KIF16B: variants seen among roughly 807,000 people sequenced by gnomAD.
KIF16B encodes the protein kinesin-like protein KIF16B.
In KIF16B, 98 loss-of-function variants were observed where a neutral mutation model predicts 156.3. That is an observed-to-expected ratio of 0.63 (90% CI 0.53 to 0.74). The LOEUF is 0.74. Among genes scored for constraint, KIF16B ranks in the 30% least tolerant of loss-of-function variants. The pLI is 0.00. For synonymous variants in KIF16B, 564 were observed against 583.7 expected, an observed-to-expected ratio of 0.97 and a Z score of 0.49; for missense variants, 1,421 against 1,606.5, an observed-to-expected ratio of 0.88 and a Z score of 1.97.
intron 20 of KIF16B, among the ~76,000 whole-genome samples, chr20:16,372,538 T>C (rs891200743): frequency 3.3e-5 from 5 of 152,232 alleles, no homozygotes; most frequent in Admixed American, 6.5e-5. Flanking sequence ...TAATCTCTGG[T>C]CATTCCACCT....
chr20:16,402,995 G>A (rs188808025), intron 17 of KIF16B, among the ~76,000 whole-genome samples: 2 of 152,174 alleles, frequency 1.3e-5, no homozygotes, highest in Non-Finnish European at 2.9e-5. Context: ...AGGCAAAGAG[G>A]GGCCCATGGC....
chr20:16,321,449 A>G (rs2122792464), intron 24 of KIF16B, among the ~76,000 whole-genome samples: 1 of 152,236 alleles, frequency 6.6e-6, no homozygotes, highest in Non-Finnish European at 1.5e-5. Flanking sequence ...AATGTATAAA[A>G]ACTTCTCTAG....
chr20:16,412,404 G>C (rs2065980157), intron 15 of KIF16B, among the ~76,000 whole-genome samples: 1 of 152,070 alleles, frequency 6.6e-6, no homozygotes, highest in Admixed American at 6.6e-5. Context: ...AGAAAGAGTT[G>C]GTAGTAGCCA....
intron 15 of KIF16B, among the ~76,000 whole-genome samples, chr20:16,410,054 CAT>C (rs376721429): frequency 0.12 from 3,488 of 28,498 alleles, 383 homozygotes; most frequent in East Asian, 0.23. Flanking sequence ...TATGTTGGTA[CAT>C]ATATATATAT....
At chr20:16,464,264 T>C (rs1228086364) in intron 12 of KIF16B, among the ~76,000 whole-genome samples, 1 of 152,152 alleles carries the variant, frequency 6.6e-6, no homozygotes, top group Non-Finnish European at 1.5e-5. Context: ...CATGATTTAA[T>C]TGCAAGGGAA....
At chr20:16,403,000 C>T (rs751289340) in intron 17 of KIF16B, among the ~76,000 whole-genome samples, 24 of 152,300 alleles carry the variant, frequency 1.6e-4, no homozygotes, top group Admixed American at 2.6e-4. Context: ...AAGAGGGGCC[C>T]ATGGCTAGTG....
chr20:16,392,470 A>T (rs931039897), intron 17 of KIF16B, among the ~76,000 whole-genome samples: 13 of 152,238 alleles, frequency 8.5e-5, no homozygotes, highest in African/African-American at 3.1e-4. Context: ...AGAACAGAGA[A>T]GGGAAACTTG....
At chr20:16,371,949 G>T (rs1440476475) in intron 20 of KIF16B, among the ~76,000 whole-genome samples, 188 bp from the exon 21 acceptor site, 1 of 152,112 alleles carries the variant, frequency 6.6e-6, no homozygotes, top group African/African-American at 2.4e-5. Flanking sequence ...TCACTATCTG[G>T]GTTTTGCCCA....
chr20:16,548,860 CACA>C (rs754679269), intron 1 of KIF16B, among the ~76,000 whole-genome samples: 3 of 152,114 alleles, frequency 2.0e-5, no homozygotes, highest in South Asian at 2.1e-4. Context: ...CTGCTTGTGG[CACA>C]ACGAGACGAA....
At chr20:16,567,500 T>C (rs887290208) in intron 1 of KIF16B, among the ~76,000 whole-genome samples, 3 of 152,206 alleles carry the variant, frequency 2.0e-5, no homozygotes, top group Non-Finnish European at 4.4e-5. Flanking sequence ...CATGGGCTTC[T>C]GTCATCTGTA....
chr20:16,284,364 C>T (rs372271747), intron 25 of KIF16B, among the ~76,000 whole-genome samples: 3 of 152,238 alleles, frequency 2.0e-5, no homozygotes, highest in South Asian at 2.1e-4. Context: ...AAACAACTTG[C>T]AAACCCTTCT....
At chr20:16,558,512 T>C (rs2070936917) in intron 1 of KIF16B, among the ~76,000 whole-genome samples, 1 of 152,224 alleles carries the variant, frequency 6.6e-6, no homozygotes, top group Non-Finnish European at 1.5e-5. Flanking sequence ...CTCCAGGATA[T>C]AGAAGAAAAA....
In KIF16B at chr20:16,498,921, C is replaced by A. The variant is rs146112370; in HGVS notation, c.1177-1243G>T. On this transcript the variant is annotated intron_variant, in intron 10 of 25. Transcript: ENST00000354981. ...ACACCCACAAGGTGATCTTCTTCGG[C>A]ACTGTTAAACATTCAAACTATGAAG... Among the ~76,000 whole-genome samples, 287 of 147,766 alleles carry A rather than the reference C, an allele frequency of 1.9e-3. 1 individual carries two copies. Among genetic ancestry groups the A allele is most frequent in the Non-Finnish European group, 2.6e-3 (169 of 65,448 alleles).
At chr20:16,321,822 G>A (rs1249873270) in intron 24 of KIF16B, among the ~76,000 whole-genome samples, 2 of 151,986 alleles carry the variant, frequency 1.3e-5, no homozygotes, top group East Asian at 1.9e-4. Context: ...CCTTAAAATG[G>A]CATCTTTTCC....
At chr20:16,546,337 A>C (rs748957567) in intron 1 of KIF16B, among the ~76,000 whole-genome samples, 26 of 152,220 alleles carry the variant, frequency 1.7e-4, no homozygotes, top group Non-Finnish European at 2.5e-4. Context: ...AGACAATATA[A>C]GGCCAGCTAT....
At chr20:16,571,309 ACTGCTAATCAC>A (rs926598174) in intron 1 of KIF16B, among the ~76,000 whole-genome samples, 2 of 152,130 alleles carry the variant, frequency 1.3e-5, no homozygotes, top group African/African-American at 4.8e-5. Context: ...TCTGGCTCAA[ACTGCTAATCAC>A]CTGCCTCTTA....
At chr20:16,294,352 G>A (rs1005403878) in intron 25 of KIF16B, among the ~76,000 whole-genome samples, 2 of 152,200 alleles carry the variant, frequency 1.3e-5, no homozygotes, top group African/African-American at 4.8e-5. Context: ...GTATTGAGGA[G>A]TAATGGTGAT....
chr20:16,366,572 G>C (rs896690881), intron 22 of KIF16B, among the ~76,000 whole-genome samples: 1 of 152,186 alleles, frequency 6.6e-6, no homozygotes, highest in African/African-American at 2.4e-5. Context: ...ATTAAGTGAG[G>C]AAGAAGACAC....
intron 12 of KIF16B, among the ~76,000 whole-genome samples, chr20:16,462,642 CA>C (rs201772819): frequency 6.0e-5 from 9 of 150,928 alleles, no homozygotes; most frequent in Non-Finnish European, 1.3e-4. Flanking sequence ...TACAGGAGCT[CA>C]AAAAAAAATT....
Sources: gnomAD v4.1 joint callset for allele counts (sites outside exome capture counted in the v4.1 genomes callset) on GRCh38, gnomAD v4.1.1 for gene constraint, MANE v1.5 for transcripts, NCBI Gene and HGNC (gene_info 2026-07-23, HGNC 2026-07-21) for gene names.